PRKD1: variants seen among roughly 807,000 people sequenced by gnomAD.
PRKD1 encodes the protein protein kinase D1.
A neutral mutation model predicts 95.9 loss-of-function variants in PRKD1; 63 were observed. The ratio of observed to expected loss-of-function variants is 0.66; its 90% CI spans 0.54 to 0.81. PRKD1 has a LOEUF of 0.81. PRKD1 is among the 30% of genes least tolerant of loss of function. PRKD1 has a pLI of 0.00. For missense variants in PRKD1, 1,048 were observed against 1,165.3 expected (o/e 0.90, Z 1.47); for synonymous variants, 425 against 423.1 (o/e 1.00, Z -0.05).
intron 1 of PRKD1, among the ~76,000 whole-genome samples, chr14:29,796,667 C>A (rs997645312): frequency 3.3e-5 from 5 of 152,168 alleles, no homozygotes; most frequent in Admixed American, 3.3e-4. Context: ...AGATACATGT[C>A]TCTAATGCTC....
chr14:29,852,642 G>T (rs894711192), intron 1 of PRKD1, among the ~76,000 whole-genome samples: 11 of 152,112 alleles, frequency 7.2e-5, no homozygotes, highest in South Asian at 2.1e-4. Context: ...ATCAAAAACT[G>T]AAAGGATTGG....
At chr14:29,793,980 C>T (rs1165448850) in intron 1 of PRKD1, among the ~76,000 whole-genome samples, 1 of 152,026 alleles carries the variant, frequency 6.6e-6, no homozygotes, top group Non-Finnish European at 1.5e-5. Flanking sequence ...CAGATCTTTA[C>T]TGTGGCCGTT....
intron 2 of PRKD1, among the ~76,000 whole-genome samples, chr14:29,686,252 C>T (rs1053848274): frequency 3.3e-5 from 5 of 152,064 alleles, no homozygotes; most frequent in East Asian, 1.9e-4. Context: ...ATACATTTGA[C>T]GTGCCCGATT....
intron 4 of PRKD1, among the ~76,000 whole-genome samples, chr14:29,641,420 A>G (rs944613206): frequency 6.6e-6 from 1 of 152,186 alleles, no homozygotes; most frequent in Non-Finnish European, 1.5e-5. Flanking sequence ...AAGCTTTACA[A>G]TCTTGACACA....
At chr14:29,744,999 G>A (rs1887147610) in intron 1 of PRKD1, among the ~76,000 whole-genome samples, 1 of 151,988 alleles carries the variant, frequency 6.6e-6, no homozygotes. Flanking sequence ...CCTCCACTCT[G>A]GCCTTATTAC....
intron 1 of PRKD1, among the ~76,000 whole-genome samples, chr14:29,729,952 A>T (rs1024130794): frequency 6.6e-6 from 1 of 152,122 alleles, no homozygotes; most frequent in African/African-American, 2.4e-5. Flanking sequence ...AGATGTGGAG[A>T]CAACTCCATG....
At chr14:29,817,956 G>A (rs545248689) in intron 1 of PRKD1, among the ~76,000 whole-genome samples, 3 of 152,204 alleles carry the variant, frequency 2.0e-5, no homozygotes, top group Admixed American at 6.5e-5. Flanking sequence ...AGCAGGGAAG[G>A]AAATGCTATT....
intron 1 of PRKD1, among the ~76,000 whole-genome samples, chr14:29,850,167 T>G (rs982004669): frequency 2.0e-5 from 3 of 152,004 alleles, no homozygotes; most frequent in African/African-American, 7.3e-5. Flanking sequence ...TTCTTACCAC[T>G]CTTATTCAAC....
chr14:29,759,752 T>A (rs1020838927), intron 1 of PRKD1, among the ~76,000 whole-genome samples: 3 of 152,160 alleles, frequency 2.0e-5, no homozygotes, highest in Non-Finnish European at 4.4e-5. Context: ...TTGTGCGCAG[T>A]AAGTCATCAG....
intron 1 of PRKD1, among the ~76,000 whole-genome samples, chr14:29,830,955 G>A (rs1192656985): frequency 6.6e-6 from 1 of 152,154 alleles, no homozygotes; most frequent in East Asian, 1.9e-4. Flanking sequence ...AAAGTGTTGG[G>A]TTTATAGGCA....
chr14:29,815,953 C>T (rs1890670960), intron 1 of PRKD1, among the ~76,000 whole-genome samples: 1 of 152,186 alleles, frequency 6.6e-6, no homozygotes, highest in Non-Finnish European at 1.5e-5. Flanking sequence ...GGCGCGGTGG[C>T]TCACACCTGT....
At chr14:29,897,734 T>C (rs964415005) in intron 1 of PRKD1, among the ~76,000 whole-genome samples, 13 of 152,300 alleles carry the variant, frequency 8.5e-5, no homozygotes, top group South Asian at 8.3e-4. Flanking sequence ...TATGAAAGAC[T>C]GACTTACTCA....
intron 1 of PRKD1, among the ~76,000 whole-genome samples, chr14:29,854,578 C>A (rs1892427662): frequency 6.6e-6 from 1 of 152,194 alleles, no homozygotes; most frequent in South Asian, 2.1e-4. Context: ...TGCCGCCTGA[C>A]AATGTGATAG....
intron 2 of PRKD1, among the ~76,000 whole-genome samples, chr14:29,695,234 C>CAAA (rs34575259): frequency 1.6e-4 from 15 of 95,164 alleles, no homozygotes; most frequent in African/African-American, 3.0e-4. Flanking sequence ...AACTCCATCT[C>CAAA]AAAAAAAAAA....
chr14:29,662,769 A>C (rs902121819), intron 4 of PRKD1, among the ~76,000 whole-genome samples: 8 of 152,020 alleles, frequency 5.3e-5, no homozygotes, highest in Admixed American at 4.6e-4. Flanking sequence ...AGAGGGATCT[A>C]TTCAACCTAA....
chr14:29,924,212 A>T (rs1234987619), intron 1 of PRKD1, among the ~76,000 whole-genome samples: 1 of 152,156 alleles, frequency 6.6e-6, no homozygotes, highest in Non-Finnish European at 1.5e-5. Flanking sequence ...GCAAGACTAG[A>T]TTTTTCACCT....
chr14:29,916,423 A>G (rs1894889666), intron 1 of PRKD1, among the ~76,000 whole-genome samples: 1 of 152,230 alleles, frequency 6.6e-6, no homozygotes, highest in Non-Finnish European at 1.5e-5. Flanking sequence ...AGAAGCCCAC[A>G]GACTTTGCCT....
chr14:29,726,697 A>G (rs1260294069), intron 1 of PRKD1, among the ~76,000 whole-genome samples: 1 of 152,104 alleles, frequency 6.6e-6, no homozygotes, highest in African/African-American at 2.4e-5. Flanking sequence ...TGAACTAAAA[A>G]TAAATATAAT....
At chr14:29,885,124 T>TTTAAAAAAAAAAA (rs1232960518) in intron 1 of PRKD1, among the ~76,000 whole-genome samples, 7 of 131,074 alleles carry the variant, frequency 5.3e-5, no homozygotes, top group African/African-American at 2.0e-4. Flanking sequence ...CTCCATCTTT[T>TTTAAAAAAAAAAA]AAAAAAAAAA....
Sources: allele counts gnomAD v4.1 joint callset (sites outside exome capture counted in the v4.1 genomes callset), GRCh38; gene constraint gnomAD v4.1.1; transcripts MANE v1.5; gene names NCBI Gene and HGNC (gene_info 2026-07-23, HGNC 2026-07-21).